Variants in LRP1B observed in about 807,000 individuals in gnomAD.
The protein encoded by LRP1B is low-density lipoprotein receptor-related protein 1B.
In LRP1B, 217 loss-of-function variants were observed where a neutral mutation model predicts 556.6. The observed-to-expected ratio is 0.39, with a 90% CI of 0.35 to 0.44. LRP1B has a LOEUF of 0.44. Ranked by LOEUF, LRP1B falls within the 20% of genes least tolerant of loss-of-function variation. The pLI is 1.00. For missense variants in LRP1B, 5,053 were observed against 5,620.8 expected (o/e 0.90, Z 3.23); for synonymous variants, 2,047 against 1,865.8 (o/e 1.10, Z -2.50).
At chr2:140,483,578 G>A (rs11886221) in intron 59 of LRP1B, among the ~76,000 whole-genome samples, 5,797 of 121,482 alleles carry the variant, frequency 0.048, 147 homozygotes, top group Non-Finnish European at 0.053. Flanking sequence ...ATATATATAT[G>A]TACACACACA....
intron 2 of LRP1B, among the ~76,000 whole-genome samples, chr2:141,532,355 G>T (rs1205668112): frequency 6.6e-6 from 1 of 151,640 alleles, no homozygotes; most frequent in Non-Finnish European, 1.5e-5. Flanking sequence ...GCACAATCAG[G>T]CCATATTCAT....
intron 35 of LRP1B, among the ~76,000 whole-genome samples, chr2:140,724,183 T>C (rs1238852358): frequency 1.3e-5 from 2 of 152,168 alleles, no homozygotes; most frequent in African/African-American, 2.4e-5. Context: ...TATATACAAT[T>C]CATTAAGAAG....
intron 7 of LRP1B, among the ~76,000 whole-genome samples, chr2:141,076,779 G>C (rs1332876125): frequency 1.3e-5 from 2 of 152,030 alleles, no homozygotes; most frequent in Non-Finnish European, 2.9e-5. Flanking sequence ...AAAGCACCTG[G>C]CCTCCACCTC....
At chr2:141,119,053 A>T (rs1442914847) in intron 7 of LRP1B, among the ~76,000 whole-genome samples, 11 of 151,970 alleles carry the variant, frequency 7.2e-5, no homozygotes, top group Non-Finnish European at 1.6e-4. Flanking sequence ...AGCTGGAGAC[A>T]AGAAGAGAGA....
intron 43 of LRP1B, among the ~76,000 whole-genome samples, chr2:140,570,239 GAA>G (rs544620588): frequency 8.2e-4 from 123 of 150,616 alleles, no homozygotes; most frequent in African/African-American, 2.4e-3. Flanking sequence ...ATCATAAAAT[GAA>G]AAGTCATTTT....
In LRP1B at chr2:140,456,333, T is replaced by C. The variant is rs1687105720; in HGVS notation, c.9963+122A>G. 6 of 901,918 alleles carry C rather than the reference T, an allele frequency of 6.7e-6. No homozygotes were observed. The South Asian group carries it at 1.8e-4, about 26-fold the overall frequency. 55.9% of individuals were successfully genotyped at this position (901,918 alleles called of 1,614,324 possible). A position where few individuals can be genotyped will look rare whatever the true frequency, so the allele number is the denominator to read the frequency against. On this transcript the variant is annotated intron_variant, in intron 62 of 90. Transcript: ENST00000389484. ...GTCCCATTTTAATGAGATGTTATAG[T>C]GTTTTCCTTTATTCTGTGACCATCT...
chr2:141,499,785 A>C (rs2105129730), intron 2 of LRP1B, among the ~76,000 whole-genome samples: 1 of 152,224 alleles, frequency 6.6e-6, no homozygotes, highest in Non-Finnish European at 1.5e-5. Flanking sequence ...TAAAAAAATA[A>C]AATATATAGG....
chr2:141,029,302 G>T (rs1698301966), intron 11 of LRP1B, among the ~76,000 whole-genome samples: 1 of 152,110 alleles, frequency 6.6e-6, no homozygotes, highest in South Asian at 2.1e-4. Context: ...GTGATAAGGT[G>T]GTCCCTTACT....
At chr2:140,668,714 T>C (rs1685375236) in intron 41 of LRP1B, among the ~76,000 whole-genome samples, 1 of 151,198 alleles carries the variant, frequency 6.6e-6, no homozygotes, top group Admixed American at 6.6e-5. Flanking sequence ...ATATTTGCTG[T>C]AAAATATTTA....
intron 1 of LRP1B, among the ~76,000 whole-genome samples, chr2:142,080,942 C>A (rs1419960034): frequency 2.0e-5 from 3 of 152,156 alleles, no homozygotes; most frequent in Non-Finnish European, 1.5e-5. Context: ...CAAGTGGCTA[C>A]TTCCAGTAGG....
chr2:142,074,213 A>G (rs1458867860), intron 1 of LRP1B, among the ~76,000 whole-genome samples: 2 of 152,006 alleles, frequency 1.3e-5, no homozygotes, highest in African/African-American at 4.8e-5. Flanking sequence ...CTCTCCCCAA[A>G]GCCCTCAGGA....
intron 66 of LRP1B, among the ~76,000 whole-genome samples, chr2:140,395,765 G>T (rs1033525354): frequency 2.0e-5 from 3 of 152,150 alleles, no homozygotes; most frequent in African/African-American, 7.2e-5. Context: ...TTTAAAAATT[G>T]CATGTCAATG....
chr2:140,621,925 A>G (rs561197283), intron 41 of LRP1B, among the ~76,000 whole-genome samples: 14 of 152,340 alleles, frequency 9.2e-5, no homozygotes, highest in South Asian at 2.1e-4. Context: ...AAGAAGTCAT[A>G]TTAGCTATTC....
chr2:141,243,150 T>TG (rs899750800), intron 5 of LRP1B, among the ~76,000 whole-genome samples: 1 of 151,404 alleles, frequency 6.6e-6, no homozygotes, highest in Non-Finnish European at 1.5e-5. Context: ...TTTTTATTTT[T>TG]TTTTTCATAT....
chr2:141,465,620 G>A (rs891226219), intron 3 of LRP1B, among the ~76,000 whole-genome samples: 6 of 150,768 alleles, frequency 4.0e-5, no homozygotes, highest in Non-Finnish European at 5.9e-5. Flanking sequence ...CACAATCTGG[G>A]CTCACTGCAA....
chr2:141,130,709 G>A (rs1474226217), intron 7 of LRP1B, among the ~76,000 whole-genome samples: 2 of 152,010 alleles, frequency 1.3e-5, no homozygotes, highest in African/African-American at 2.4e-5. Flanking sequence ...ATAAATAGTA[G>A]TACACAATGG....
intron 2 of LRP1B, among the ~76,000 whole-genome samples, chr2:141,754,723 G>A (rs1694256222): frequency 6.6e-6 from 1 of 151,992 alleles, no homozygotes; most frequent in Admixed American, 6.6e-5. Flanking sequence ...TGACCAAATT[G>A]GACTAGACGA....
intron 35 of LRP1B, 142 bp downstream of exon 35, chr2:140,769,071 T>G (rs986897532): frequency 2.8e-6 from 2 of 726,954 alleles, no homozygotes; most frequent in Non-Finnish European, 4.3e-6. Context: ...TAATTTATGA[T>G]TGGCCTTAAT....
chr2:141,250,182 GT>G (rs1386303889), intron 4 of LRP1B, among the ~76,000 whole-genome samples: 1 of 152,158 alleles, frequency 6.6e-6, no homozygotes, highest in Admixed American at 6.5e-5. Context: ...AATTTTTTGA[GT>G]AATAGGATTG....
Sources: allele counts gnomAD v4.1 joint callset (sites outside exome capture counted in the v4.1 genomes callset), GRCh38; gene constraint gnomAD v4.1.1; transcripts MANE v1.5; gene names NCBI Gene and HGNC (gene_info 2026-07-23, HGNC 2026-07-21).